The following KIF25 variants were observed in gnomAD, a reference collection of about 807,000 sequenced individuals.
KIF25 encodes the protein kinesin family member 25.
Under a neutral mutation model 32.9 loss-of-function variants are expected in KIF25, and 19 were observed. The ratio of observed to expected loss-of-function variants is 0.58; its 90% CI spans 0.40 to 0.85. The LOEUF (loss-of-function observed/expected upper bound fraction) is 0.85. KIF25 is among the 40% of genes least tolerant of loss of function. The pLI is 0.00. For missense variants in KIF25, 485 were observed against 507.0 expected (o/e 0.96, Z 0.42); for synonymous variants, 225 against 213.7 (o/e 1.05, Z -0.46).
chr6:168,005,792 C>T (rs186384723), intron 4 of KIF25, among the ~76,000 whole-genome samples: 17 of 152,352 alleles, frequency 1.1e-4, no homozygotes, highest in Admixed American at 8.5e-4. Context: ...GCTGATTAGA[C>T]GGTGCCCACC....
intron 4 of KIF25, among the ~76,000 whole-genome samples, chr6:168,014,000 A>AATATATATATAT (rs56286678): frequency 1.4e-4 from 21 of 149,070 alleles, no homozygotes; most frequent in Non-Finnish European, 3.0e-4. Flanking sequence ...CCACCATGCA[A>AATATATATATAT]ATATATATAT....
At position 168,042,160 on chromosome 6, in the gene KIF25, G is replaced by A. The variant is rs998073562; in HGVS notation, c.829+9G>A. 9 of 1,546,420 alleles carry A rather than the reference G, an allele frequency of 5.8e-6. No individual in the cohort carries two copies. Among genetic ancestry groups the A allele is most frequent in the Non-Finnish European group, 7.9e-6 (9 of 1,145,056 alleles). On this transcript the variant is annotated intron_variant, in intron 11 of 12. Coordinates refer to ENST00000643607, the MANE Select transcript of KIF25 (RefSeq NM_030615.4). ...CGGCAGCGAGTGCGTTGGTGAGCAG[G>A]GGCAGGCATTTCCCTGGGGGGTGGG...
chr6:168,042,489 A>G (rs1799139327), intron 11 of KIF25, 72 bp from the exon 12 acceptor site: 3 of 1,550,252 alleles, frequency 1.9e-6, no homozygotes, highest in Non-Finnish European at 1.8e-6. Flanking sequence ...CGCTCCTCCC[A>G]AGGAGCCGGT....
At chr6:168,027,814 G>A (rs1798884845) in intron 5 of KIF25, among the ~76,000 whole-genome samples, 1 of 152,204 alleles carries the variant, frequency 6.6e-6, no homozygotes, top group Non-Finnish European at 1.5e-5. Flanking sequence ...GAGTCTTTTC[G>A]TGTGCTTCTG....
intron 2 of KIF25, among the ~76,000 whole-genome samples, chr6:168,002,192 C>T (rs1282682093): frequency 1.7e-4 from 18 of 104,212 alleles, no homozygotes; most frequent in Non-Finnish European, 3.0e-4. Context: ...GGCGTGGCCT[C>T]GGGCAGGGGA....
At chr6:168,023,509 C>T (rs919779929) in intron 5 of KIF25, among the ~76,000 whole-genome samples, 6 of 152,252 alleles carry the variant, frequency 3.9e-5, no homozygotes, top group African/African-American at 4.8e-5. Flanking sequence ...CTCAAGTGAT[C>T]GGCCCACCTT....
At chr6:168,024,752 T>G (rs1798836474) in intron 5 of KIF25, among the ~76,000 whole-genome samples, 2 of 151,126 alleles carry the variant, frequency 1.3e-5, no homozygotes, top group African/African-American at 4.9e-5. Flanking sequence ...GGTCAGGAGT[T>G]CAAGACCAGC....
intron 5 of KIF25, 61 bp from the exon 6 acceptor site, chr6:168,029,431 A>C (rs1476345687): frequency 5.0e-6 from 6 of 1,193,268 alleles, no homozygotes; most frequent in Non-Finnish European, 6.9e-6. Flanking sequence ...AATAACTAAC[A>C]TTCATGTTAA....
intron 7 of KIF25, among the ~76,000 whole-genome samples, chr6:168,033,449 A>C (rs2114902974): frequency 6.6e-6 from 1 of 152,028 alleles, no homozygotes; most frequent in East Asian, 1.9e-4. Flanking sequence ...GCAATGAGCC[A>C]AAATTGTGCC....
intron 7 of KIF25, among the ~76,000 whole-genome samples, chr6:168,032,844 G>A (rs1030064835): frequency 3.9e-5 from 6 of 152,192 alleles, no homozygotes; most frequent in African/African-American, 1.4e-4. Flanking sequence ...GGTCAGGGCC[G>A]GAGATCCTGC....
At chr6:168,019,655 C>T (rs965421640) in intron 5 of KIF25, among the ~76,000 whole-genome samples, 3 of 152,104 alleles carry the variant, frequency 2.0e-5, no homozygotes, top group African/African-American at 2.4e-5. Flanking sequence ...GGCCCCTGGA[C>T]GGCACACTTG....
At chr6:168,035,707 G>C (rs1799014925) in intron 8 of KIF25, 1 of 456,108 alleles carries the variant, frequency 2.2e-6, no homozygotes, top group Admixed American at 2.3e-5. Context: ...CCGTTTTGCT[G>C]TTCTGAGTCT....
rs1562388582 is a variant in KIF25 at position 168,030,813 on chromosome 6, G to C, written c.133G>C (p.Asp45His). The change falls in exon 7 of 13, where the codon GAT (aspartate) becomes CAT (histidine). Residue 45 changes from aspartate to histidine, a missense_variant. Around this residue, in one of 2 missense-constraint regions of KIF25, gnomAD observed 480 missense variants for 470.3 expected, o/e 1.02. Coordinates refer to ENST00000643607, the MANE Select transcript of KIF25 (RefSeq NM_030615.4). ...AGAGTCTCAGAGCGCGGTCTTTGGA[G>C]ATGTGTGCCCCCTACTCACTTCTCT... ...PAESQSAVFGDVCPLLTSLLD... is the reference protein window; with the variant it reads ...PAESQSAVFGHVCPLLTSLLD... 1 of 1,613,568 alleles carries C rather than the reference G, an allele frequency of 6.2e-7. No individual in the cohort carries two copies. The highest frequency in any genetic ancestry group is 1.3e-5 in the African/African-American group (1 of 74,976).
At chr6:168,042,828 C>T (rs1266573862) in intron 12 of KIF25, 112 bp downstream of exon 12, 5 of 1,267,472 alleles carry the variant, frequency 3.9e-6, no homozygotes, top group Non-Finnish European at 5.4e-6. Flanking sequence ...CCCTGCACCT[C>T]CTGTGTCCTC....
chr6:168,018,672 C>T (rs1463048180), intron 5 of KIF25, among the ~76,000 whole-genome samples: 2 of 152,152 alleles, frequency 1.3e-5, no homozygotes, highest in Non-Finnish European at 1.5e-5. Flanking sequence ...GTAGGAGAGC[C>T]CCGGAAGGCT....
chr6:168,017,675 T>C (rs1036321116), intron 4 of KIF25, among the ~76,000 whole-genome samples: 1 of 152,184 alleles, frequency 6.6e-6, no homozygotes, highest in Non-Finnish European at 1.5e-5. Flanking sequence ...CTCTGTTGTG[T>C]GTTCCCCAGT....
chr6:168,009,128 G>A (rs149743390), intron 4 of KIF25, among the ~76,000 whole-genome samples: 1 of 152,222 alleles, frequency 6.6e-6, no homozygotes, highest in African/African-American at 2.4e-5. Context: ...TAAGAGTGGT[G>A]AGACTTGGCA....
intron 9 of KIF25, among the ~76,000 whole-genome samples, chr6:168,039,027 TGTATTC>T (rs1472150007): frequency 6.6e-6 from 1 of 151,142 alleles, no homozygotes; most frequent in Non-Finnish European, 1.5e-5. Flanking sequence ...CATTTCACAA[TGTATTC>T]GCATATCAAA....
chr6:168,029,402 C>T, intron 5 of KIF25, 90 bp from the exon 6 acceptor site: 1 of 897,420 alleles, frequency 1.1e-6, no homozygotes, highest in Admixed American at 3.6e-5. Context: ...CGAACACTGA[C>T]TTTTGGATGG....
Sources: allele counts gnomAD v4.1 joint callset (sites outside exome capture counted in the v4.1 genomes callset), GRCh38; gene constraint gnomAD v4.1.1; regional missense constraint gnomAD v4.1.1; transcripts MANE v1.5; gene names NCBI Gene and HGNC (gene_info 2026-07-23, HGNC 2026-07-21).